Variants in SNX14 observed in about 807,000 individuals in gnomAD.
SNX14 encodes sorting nexin-14.
SNX14 carries 93 observed loss-of-function variants against 133.8 expected under a neutral mutation model. The ratio of observed to expected loss-of-function variants is 0.70; its 90% CI spans 0.59 to 0.83. The LOEUF is 0.83. SNX14 is among the 40% of genes least tolerant of loss of function. SNX14 has a pLI of 0.00. For missense variants in SNX14, 945 were observed against 1,094.9 expected (o/e 0.86, Z 1.93); for synonymous variants, 368 against 365.6 (o/e 1.01, Z -0.07).
At chr6:85,539,248 A>T (rs1282639145) in intron 15 of SNX14, among the ~76,000 whole-genome samples, 1 of 152,224 alleles carries the variant, frequency 6.6e-6, no homozygotes, top group East Asian at 1.9e-4. Flanking sequence ...CCTTAGGCAT[A>T]CCATTTCTTT....
chr6:85,517,751 A>G lies in SNX14; in HGVS notation c.2268+5T>C, dbSNP rs753371804. 2 of 1,591,214 alleles carry G rather than the reference A, an allele frequency of 1.3e-6. No homozygotes were observed. The highest frequency in any genetic ancestry group is 4.5e-5 in the East Asian group (2 of 44,622). On this transcript the variant is annotated splice_donor_5th_base_variant and intron_variant, in intron 23 of 28. Transcript: ENST00000314673. ...TTAATAGTTCTTTAATGCAATGTGC[A>G]GTACCTTCTTGTTGTTTTCTGAAGT... is the stretch of plus-strand genomic sequence containing the variant.
intron 21 of SNX14, among the ~76,000 whole-genome samples, chr6:85,523,252 T>C (rs1377232177): frequency 1.3e-5 from 2 of 152,090 alleles, no homozygotes; most frequent in African/African-American, 4.8e-5. Context: ...AACCAAAGGA[T>C]TTTAGATATG....
chr6:85,536,393 G>C (rs1170491565), intron 17 of SNX14, among the ~76,000 whole-genome samples: 1 of 152,198 alleles, frequency 6.6e-6, no homozygotes, highest in African/African-American at 2.4e-5. Flanking sequence ...CTTGTCAACA[G>C]ACTGTAGTTT....
intron 16 of SNX14, among the ~76,000 whole-genome samples, chr6:85,538,206 G>C (rs1264093153): frequency 6.6e-6 from 1 of 151,898 alleles, no homozygotes; most frequent in Admixed American, 6.5e-5. Flanking sequence ...CTAATAATAA[G>C]TAGTAAGCAG....
rs199694103 is a variant in SNX14 at position 85,538,896 on chromosome 6, G to C, written c.1449-32C>G. On this transcript the variant is annotated intron_variant, in intron 15 of 28. Transcript: ENST00000314673. ...TAACAGGTATGTGAAATAATATAAGGAGAGGAAAGAAAGAAAGCCCAGATA... is the reference window on the plus strand; with the variant it reads ...TAACAGGTATGTGAAATAATATAAGCAGAGGAAAGAAAGAAAGCCCAGATA... 4.5e-6 allele frequency: 7 copies of C among 1,554,170 alleles called. No individual in the cohort carries two copies. The African/African-American group carries it at 5.6e-5, about 12-fold the overall frequency.
chr6:85,524,612 T>A (rs925712377), intron 21 of SNX14, among the ~76,000 whole-genome samples: 2 of 151,806 alleles, frequency 1.3e-5, no homozygotes, highest in African/African-American at 4.8e-5. Flanking sequence ...TGAAACCCCA[T>A]CTCTACTAAA....
At chr6:85,523,436 G>A (rs947402481) in intron 21 of SNX14, among the ~76,000 whole-genome samples, 1 of 152,146 alleles carries the variant, frequency 6.6e-6, no homozygotes, top group South Asian at 2.1e-4. Context: ...AGGAAGACAT[G>A]AGTTAGACAC....
At chr6:85,516,797 T>C (rs984718494) in intron 23 of SNX14, among the ~76,000 whole-genome samples, 1 of 151,960 alleles carries the variant, frequency 6.6e-6, no homozygotes, top group Non-Finnish European at 1.5e-5. Context: ...ACCACCACGC[T>C]TGACTAATTT....
In SNX14 at chr6:85,505,921, G is replaced by A. The variant is rs369009161; in HGVS notation, c.*46C>T. On this transcript the variant is annotated 3_prime_UTR_variant, in exon 29 of 29. Coordinates refer to ENST00000314673, the MANE Select transcript of SNX14 (RefSeq NM_153816.6). ...AAAAAAGTAAATTTCTACCACCCTC[G>A]CACAGCAGAAATTTCAATGGGTTAT... 107 of 1,384,456 alleles carry A rather than the reference G, an allele frequency of 7.7e-5. No individual in the cohort carries two copies. Among genetic ancestry groups the A allele is most frequent in the East Asian group, 2.5e-4 (11 of 43,650 alleles). The allele number at this position is 1,384,456 out of a possible 1,614,324, so 85.8% of individuals were successfully genotyped here. A position where few individuals can be genotyped will look rare whatever the true frequency, so the allele number is the denominator to read the frequency against.
chr6:85,589,285 G>A, intron 1 of SNX14: 1 of 166,194 alleles, frequency 6.0e-6, no homozygotes, highest in East Asian at 1.6e-4. Flanking sequence ...CTGGAGTGCA[G>A]TGGTGCCATC....
chr6:85,567,786 C>T (rs1316733870), intron 4 of SNX14: 1 of 334,748 alleles, frequency 3.0e-6, no homozygotes, highest in African/African-American at 2.2e-5. Flanking sequence ...AGTTTGAGAC[C>T]AGCCTGGGTA....
At chr6:85,566,553 C>T (rs1793905492) in intron 5 of SNX14, among the ~76,000 whole-genome samples, 1 of 151,930 alleles carries the variant, frequency 6.6e-6, no homozygotes, top group African/African-American at 2.4e-5. Flanking sequence ...CAAAAATTAG[C>T]CAAGCATTGT....
rs571902143 is a variant in SNX14 at position 85,514,794 on chromosome 6, C to T, written c.2269-165G>A. Among the ~76,000 whole-genome samples the T allele has an allele frequency of 2.6e-4, 40 of 151,974 alleles. 1 individual carries two copies. Among genetic ancestry groups the T allele is most frequent in the African/African-American group, 8.7e-4 (36 of 41,446 alleles). On this transcript the variant is annotated intron_variant, in intron 23 of 28. Coordinates refer to ENST00000314673, the MANE Select transcript of SNX14 (RefSeq NM_153816.6). ...GCTTCTAAAATTCCCCATTTATGCC[C>T]CGAATTGCAATAAAAAATACATGTT...
rs1774203047 is a variant in SNX14 at position 85,514,711 on chromosome 6, C to T, written c.2269-82G>A. The T allele has an allele frequency of 4.4e-6, 6 of 1,374,226 alleles. No homozygotes were observed. The Admixed American group carries it at 7.8e-5, about 18-fold the overall frequency. 85.1% of individuals were successfully genotyped at this position (1,374,226 alleles called of 1,614,324 possible). On this transcript the variant is annotated intron_variant, in intron 23 of 28. Coordinates refer to ENST00000314673, the MANE Select transcript of SNX14 (RefSeq NM_153816.6). Reference sequence around the variant, plus strand: ...TAATCAATAAGGATTAAGTGTCACACAGCAAAGGCATTTAAACTTTTTCCA... The same window carrying T: ...TAATCAATAAGGATTAAGTGTCACATAGCAAAGGCATTTAAACTTTTTCCA...
intron 7 of SNX14, among the ~76,000 whole-genome samples, chr6:85,556,801 A>G (rs530270779): frequency 4.6e-5 from 7 of 152,140 alleles, no homozygotes; most frequent in Non-Finnish European, 8.8e-5. Context: ...TTTACTTGTT[A>G]TAAGATGAAC....
chr6:85,510,262 G>A (rs1772335516), intron 26 of SNX14, among the ~76,000 whole-genome samples: 1 of 152,180 alleles, frequency 6.6e-6, no homozygotes, highest in Non-Finnish European at 1.5e-5. Flanking sequence ...CACCAGCAAT[G>A]AATGAGAATT....
intron 21 of SNX14, among the ~76,000 whole-genome samples, chr6:85,522,333 C>T (rs967581410): frequency 1.3e-5 from 2 of 152,134 alleles, no homozygotes; most frequent in African/African-American, 4.8e-5. Context: ...CAACCTTGTT[C>T]TTCTTCTAAA....
chr6:85,558,818 T>C (rs529037383), intron 6 of SNX14, among the ~76,000 whole-genome samples: 1 of 151,824 alleles, frequency 6.6e-6, no homozygotes, highest in South Asian at 2.1e-4. Flanking sequence ...TATTTTAGAA[T>C]AAAATTAAGT....
At chr6:85,530,910 G>GT (rs71002995) in intron 18 of SNX14, among the ~76,000 whole-genome samples, 12,490 of 151,806 alleles carry the variant, frequency 0.082, 827 homozygotes, top group East Asian at 0.22. Flanking sequence ...TATTTCATAA[G>GT]TTTTTTTTAT....
Sources: allele counts gnomAD v4.1 joint callset (sites outside exome capture counted in the v4.1 genomes callset), GRCh38; gene constraint gnomAD v4.1.1; transcripts MANE v1.5; gene names NCBI Gene and HGNC (gene_info 2026-07-23, HGNC 2026-07-21).